Variants in CPS1 observed in about 807,000 individuals in gnomAD.
CPS1 encodes the protein carbamoyl-phosphate synthase [ammonia], mitochondrial.
In CPS1, 109 loss-of-function variants were observed where a neutral mutation model predicts 174.6. The observed-to-expected ratio is 0.62, with a 90% CI of 0.53 to 0.73. The LOEUF is 0.73. CPS1 is among the 30% of genes least tolerant of loss of function. The pLI is 0.00. For missense variants in CPS1, 1,689 were observed against 1,821.9 expected (o/e 0.93, Z 1.33); for synonymous variants, 637 against 632.0 (o/e 1.01, Z -0.12).
At chr2:210,670,563 A>G (rs945717249) in intron 34 of CPS1, among the ~76,000 whole-genome samples, 3 of 152,180 alleles carry the variant, frequency 2.0e-5, no homozygotes, top group Admixed American at 6.5e-5. Flanking sequence ...ACGTGATCCT[A>G]CTTGGTCAGA....
intron 29 of CPS1, among the ~76,000 whole-genome samples, chr2:210,654,420 G>C (rs1416018122): frequency 6.6e-6 from 1 of 151,812 alleles, no homozygotes; most frequent in Non-Finnish European, 1.5e-5. Context: ...TGTTTCAATG[G>C]CTATTATGAA....
chr2:210,527,294 A>G (rs181474362), intron 1 of CPS1, among the ~76,000 whole-genome samples: 43 of 151,964 alleles, frequency 2.8e-4, no homozygotes, highest in African/African-American at 8.9e-4. Flanking sequence ...AATATAAGGG[A>G]CCTCCAGCTA....
chr2:210,677,106 T>G lies in CPS1; in HGVS notation c.4374T>G (p.Asp1458Glu). ...ATGTGATTCGGAGGACAGCTGTTGATAGTGGAATCCCTCTCCTCACTAATT... is the reference window on the plus strand; with the variant it reads ...ATGTGATTCGGAGGACAGCTGTTGAGAGTGGAATCCCTCTCCTCACTAATT... The part of the protein sequence containing the change: ...DNYVIRRTAV[D>E]SGIPLLTNFQ... The change falls in exon 37 of 38, where the codon GAT becomes GAG. Residue 1458 changes from aspartate to glutamate, a missense_variant. Coordinates refer to ENST00000233072, the MANE Select transcript of CPS1 (RefSeq NM_001875.5). The G allele has an allele frequency of 6.2e-7, 1 of 1,613,878 alleles. No homozygotes were observed. The highest frequency in any genetic ancestry group is 8.5e-7 in the Non-Finnish European group (1 of 1,179,786).
chr2:210,640,240 G>A (rs975568117), intron 24 of CPS1, among the ~76,000 whole-genome samples, 181 bp downstream of exon 24: 2 of 152,206 alleles, frequency 1.3e-5, no homozygotes, highest in Non-Finnish European at 2.9e-5. Flanking sequence ...TAGTGGTAGA[G>A]TGGGACTCAA....
At chr2:210,541,059 A>G (rs914637773) in intron 1 of CPS1, among the ~76,000 whole-genome samples, 68 of 152,178 alleles carry the variant, frequency 4.5e-4, no homozygotes, top group African/African-American at 1.6e-3. Flanking sequence ...AGGGGTGGAT[A>G]TGCAAGTAGC....
chr2:210,611,969 A>G (rs1399744127), intron 19 of CPS1, 148 bp from the exon 20 acceptor site: 1 of 590,736 alleles, frequency 1.7e-6, no homozygotes, highest in Non-Finnish European at 2.7e-6. Flanking sequence ...AAAAAGGAAC[A>G]CCTTTTTTTT....
chr2:210,499,977 A>C (rs528111009), intron 1 of CPS1, among the ~76,000 whole-genome samples: 8 of 152,252 alleles, frequency 5.3e-5, no homozygotes, highest in African/African-American at 1.9e-4. Context: ...ATTGACTCAC[A>C]GTTATCCACG....
chr2:210,634,051 T>A (rs1197176702), intron 21 of CPS1, among the ~76,000 whole-genome samples: 1 of 152,202 alleles, frequency 6.6e-6, no homozygotes, highest in East Asian at 1.9e-4. Flanking sequence ...TACTTGCACA[T>A]AAACAAATGA....
rs145449080 is a variant in CPS1 at position 210,653,843 on chromosome 2, A to G, written c.3481-182A>G. 1.4e-3 allele frequency among the ~76,000 whole-genome samples: 206 copies of G among 152,358 alleles called. 1 individual carries two copies. The highest frequency in any genetic ancestry group is 4.7e-3 in the African/African-American group (195 of 41,590). ...GGAGAAAGACCCTCTGCCTCACTAC[A>G]AGCAAAGAACAACCTTGTTCTTACA... is the stretch of plus-strand genomic sequence containing the variant. On this transcript the variant is annotated intron_variant, in intron 28 of 37. Transcript: ENST00000233072.
intron 1 of CPS1, among the ~76,000 whole-genome samples, chr2:210,501,005 C>G (rs557722082): frequency 6.6e-6 from 1 of 152,290 alleles, no homozygotes; most frequent in South Asian, 2.1e-4. Flanking sequence ...TTCTTGACTT[C>G]TCTGCACCCA....
chr2:210,613,637 C>T (rs1196081745), intron 20 of CPS1, among the ~76,000 whole-genome samples: 3 of 151,590 alleles, frequency 2.0e-5, no homozygotes, highest in African/African-American at 7.3e-5. Context: ...TTCCTTAAGT[C>T]TAGCAATCAT....
intron 33 of CPS1, among the ~76,000 whole-genome samples, chr2:210,666,229 C>A (rs1208865130): frequency 8.1e-4 from 121 of 149,982 alleles, no homozygotes; most frequent in African/African-American, 2.6e-3. Context: ...GATATTAGCC[C>A]TTTGTCAGAT....
chr2:210,671,865 T>C (rs1415656463), intron 34 of CPS1: 3 of 152,220 alleles, frequency 2.0e-5, no homozygotes, highest in African/African-American at 4.8e-5. Context: ...TGCTGACTTA[T>C]TTTACTTTAA....
Position 210,497,569 on chromosome 2 carries a change from A to G in CPS1, c.3+19803A>G, listed in dbSNP as rs942817825. 3.9e-5 allele frequency among the ~76,000 whole-genome samples: 6 copies of G among 151,934 alleles called. No homozygotes were observed. The South Asian group carries it at 1.2e-3, about 32-fold the overall frequency. On this transcript the variant is annotated intron_variant, in intron 1 of 38. Transcript: ENST00000430249. The stretch of plus-strand genomic sequence containing the variant: ...CTCTCTCCCCACTCCAACAGTCTTC[A>G]GTTTCTATTGTTGCCATTTTTGTGT...
chr2:210,607,054 T>A, intron 18 of CPS1, 113 bp downstream of exon 18: 1 of 934,814 alleles, frequency 1.1e-6, no homozygotes, highest in Non-Finnish European at 1.6e-6. Flanking sequence ...CCTTTTTCTG[T>A]ATGTTAGCTC....
At chr2:210,494,923 G>A (rs113136438) in intron 1 of CPS1, among the ~76,000 whole-genome samples, 2,443 of 152,294 alleles carry the variant, frequency 0.016, 50 homozygotes, top group Middle Eastern at 0.051. Flanking sequence ...TAAGGCAATG[G>A]CTTTCAGCTA....
chr2:210,616,432 GACA>G lies in CPS1; in HGVS notation c.2582_2584del (p.Asn861del), dbSNP rs763006780. The G allele has an allele frequency of 2.5e-6, 4 of 1,609,600 alleles. No individual in the cohort carries two copies. The highest frequency in any genetic ancestry group is 4.5e-5 in the East Asian group (2 of 44,824). ...CTTCTCCTCTTGGCAGGCCATTGATGACAACATGTCCCTTGATGAGATTGAGAA... is the reference window on the plus strand; with the variant it reads ...CTTCTCCTCTTGGCAGGCCATTGATGACATGTCCCTTGATGAGATTGAGAA... On this transcript the variant is annotated inframe_deletion, in exon 21 of 38. Transcript: ENST00000233072.
At chr2:210,518,843 G>A (rs549715470) in intron 1 of CPS1, among the ~76,000 whole-genome samples, 1 of 152,052 alleles carries the variant, frequency 6.6e-6, no homozygotes, top group African/African-American at 2.4e-5. Flanking sequence ...AACCTTTCCA[G>A]GTGGGTGACC....
In CPS1 at chr2:210,602,531, C is replaced by A. The variant is rs147731171; in HGVS notation, c.1836+201C>A. On this transcript the variant is annotated intron_variant, in intron 16 of 37. Coordinates refer to ENST00000233072, the MANE Select transcript of CPS1 (RefSeq NM_001875.5). ...CTTCATGCCAGGATGCAATGATAAA[C>A]CACATGGTTCAAGGTAAACCAGTGG... Among the ~76,000 whole-genome samples, 336 of 152,062 alleles carry A rather than the reference C, an allele frequency of 2.2e-3. 1 individual carries two copies. The highest frequency in any genetic ancestry group is 7.8e-3 in the African/African-American group (325 of 41,530).
Sources: gnomAD v4.1 joint callset for allele counts (sites outside exome capture counted in the v4.1 genomes callset) on GRCh38, gnomAD v4.1.1 for gene constraint, MANE v1.5 for transcripts, NCBI Gene and HGNC (gene_info 2026-07-23, HGNC 2026-07-21) for gene names.